The following CAST variants were observed in gnomAD, a reference collection of about 807,000 sequenced individuals.
CAST encodes the protein MIR583 host.
Under a neutral mutation model 119.6 loss-of-function variants are expected in CAST, and 76 were observed. The observed-to-expected ratio is 0.64, with a 90% confidence interval of 0.53 to 0.77. The LOEUF (loss-of-function observed/expected upper bound fraction) is 0.77, where lower values mean the gene tolerates loss of function less well. Ranked by LOEUF, CAST falls within the 30% of genes least tolerant of loss-of-function variation. The pLI, the probability that CAST is intolerant of heterozygous loss-of-function variation, is 0.00. For missense variants in CAST, 953 were observed against 946.5 expected, an observed-to-expected ratio of 1.01 and a Z score of -0.09; for synonymous variants, 319 against 331.6, an observed-to-expected ratio of 0.96 and a Z score of 0.41.
At chr5:96,369,143 T>A in the CAST span, among the ~76,000 whole-genome samples, 1 of 151,606 alleles carries the variant, frequency 6.6e-6, no homozygotes, top group Non-Finnish European at 1.5e-5. Flanking sequence ...TCTATATATT[T>A]TATATATTTT....
the CAST span, among the ~76,000 whole-genome samples, chr5:96,127,659 A>G: frequency 2.6e-5 from 4 of 151,880 alleles, no homozygotes; most frequent in African/African-American, 9.7e-5. Flanking sequence ...TTTGTTCCCA[A>G]TTTCCTTTAA....
intron 1 of CAST, among the ~76,000 whole-genome samples, chr5:96,557,477 G>A (rs539436168): frequency 8.6e-5 from 13 of 151,886 alleles, no homozygotes; most frequent in Admixed American, 2.6e-4. Context: ...ATCATGTGCC[G>A]ACACACACAG....
the CAST span, among the ~76,000 whole-genome samples, chr5:96,441,068 T>C: frequency 1.3e-5 from 2 of 152,238 alleles, no homozygotes; most frequent in African/African-American, 2.4e-5. Context: ...GAGGGTATAA[T>C]AGTAATTTAC....
chr5:96,380,194 G>A, the CAST span, among the ~76,000 whole-genome samples: 2 of 151,962 alleles, frequency 1.3e-5, no homozygotes, highest in African/African-American at 4.8e-5. Flanking sequence ...TTAGATTGAT[G>A]GTACAAAAGC....
chr5:96,627,404 C>T (rs550135358), intron 1 of CAST, among the ~76,000 whole-genome samples: 3 of 152,014 alleles, frequency 2.0e-5, no homozygotes, highest in Middle Eastern at 3.2e-3. Flanking sequence ...GTAAAATGAC[C>T]CCCTTGACCA....
chr5:96,372,543 G>T, the CAST span, among the ~76,000 whole-genome samples: 24 of 152,190 alleles, frequency 1.6e-4, no homozygotes, highest in Admixed American at 3.3e-4. Flanking sequence ...CTGCTGCATT[G>T]GTCATAAATG....
At chr5:96,148,023 T>G in the CAST span, among the ~76,000 whole-genome samples, 1 of 152,250 alleles carries the variant, frequency 6.6e-6, no homozygotes, top group African/African-American at 2.4e-5. Context: ...TGCTATTGCC[T>G]ATCTTTTGTC....
At chr5:95,988,035 T>C in the CAST span, among the ~76,000 whole-genome samples, 1 of 152,216 alleles carries the variant, frequency 6.6e-6, no homozygotes, top group African/African-American at 2.4e-5. Context: ...GGAAAATTTA[T>C]CTTTAACTCT....
At chr5:96,421,946 G>C in the CAST span, 21 of 1,490,868 alleles carry the variant, frequency 1.4e-5, no homozygotes, top group Admixed American at 1.8e-5. Flanking sequence ...ATCATAGCTA[G>C]CCTCTGGATC....
chr5:96,662,289 A>G (rs1748617222), upstream of CAST: 1 of 1,100,532 alleles, frequency 9.1e-7, no homozygotes. Context: ...GGGTCGGAAA[A>G]GCTGTTTCAT....
chr5:96,113,879 G>A, the CAST span, among the ~76,000 whole-genome samples: 8 of 152,288 alleles, frequency 5.3e-5, no homozygotes, highest in African/African-American at 1.4e-4. Context: ...AAAAGAGTGT[G>A]TTGAAGAAAA....
chr5:96,428,867 A>C, the CAST span, among the ~76,000 whole-genome samples: 20 of 152,198 alleles, frequency 1.3e-4, no homozygotes, highest in Non-Finnish European at 1.5e-5. Flanking sequence ...GTATTGTCAA[A>C]CATTTTTATT....
At chr5:96,490,039 G>C in the CAST span, among the ~76,000 whole-genome samples, 1 of 152,178 alleles carries the variant, frequency 6.6e-6, no homozygotes, top group African/African-American at 2.4e-5. Flanking sequence ...TGTGCTTTCT[G>C]GGTGCTTTAC....
At chr5:96,562,925 T>A (rs1278619614) in intron 1 of CAST, among the ~76,000 whole-genome samples, 4 of 152,216 alleles carry the variant, frequency 2.6e-5, no homozygotes, top group Non-Finnish European at 5.9e-5. Flanking sequence ...CAGGAAGTTT[T>A]CTCTGAACTT....
the CAST span, among the ~76,000 whole-genome samples, chr5:96,099,651 A>G: frequency 6.6e-6 from 1 of 152,370 alleles, no homozygotes; most frequent in South Asian, 2.1e-4. Context: ...GCATTGAAAC[A>G]AACTTGCATC....
upstream of CAST, among the ~76,000 whole-genome samples, chr5:96,522,860 C>T (rs1218841602): frequency 6.6e-6 from 1 of 152,206 alleles, no homozygotes; most frequent in Non-Finnish European, 1.5e-5. Context: ...GAGGAGCCTC[C>T]CGACATGGAA....
the CAST span, among the ~76,000 whole-genome samples, chr5:96,360,371 C>T: frequency 2.0e-5 from 3 of 152,074 alleles, no homozygotes; most frequent in East Asian, 1.9e-4. Flanking sequence ...CAGTTTGTTC[C>T]CTTCCTGGTG....
At chr5:96,373,697 A>G in the CAST span, among the ~76,000 whole-genome samples, 1,191 of 152,224 alleles carry the variant, frequency 7.8e-3, 21 homozygotes, top group African/African-American at 0.027. Flanking sequence ...TTTATCATCT[A>G]TGAGGCTGGT....
chr5:96,754,382 T>A (rs1332641006), intron 21 of CAST, among the ~76,000 whole-genome samples: 1 of 152,214 alleles, frequency 6.6e-6, no homozygotes, highest in Non-Finnish European at 1.5e-5. Flanking sequence ...CGGAGGCCTC[T>A]GAGTCTCATC....
Sources: allele counts gnomAD v4.1 joint callset (sites outside exome capture counted in the v4.1 genomes callset), GRCh38; gene constraint gnomAD v4.1.1; transcripts MANE v1.5; gene names NCBI Gene and HGNC (gene_info 2026-07-23, HGNC 2026-07-21).